ARB2A: variants seen among roughly 807,000 people sequenced by gnomAD.
ARB2A encodes the protein cotranscriptional regulator ARB2A.
the ARB2A span, among the ~76,000 whole-genome samples, chr5:94,045,960 T>C: frequency 1.3e-5 from 2 of 152,036 alleles, no homozygotes; most frequent in East Asian, 1.9e-4. Context: ...GAGAGAAAGA[T>C]TGTAACAGAA....
chr5:93,949,691 C>G, the ARB2A span, among the ~76,000 whole-genome samples: 1 of 152,106 alleles, frequency 6.6e-6, no homozygotes, highest in Non-Finnish European at 1.5e-5. Context: ...TACAATCAAT[C>G]ATTGCTGACT....
At chr5:93,782,379 A>C in the ARB2A span, among the ~76,000 whole-genome samples, 6 of 152,294 alleles carry the variant, frequency 3.9e-5, no homozygotes, top group African/African-American at 1.4e-4. Context: ...CAAAAAGATG[A>C]AGTGGCTTTT....
the ARB2A span, among the ~76,000 whole-genome samples, chr5:93,777,009 T>C: frequency 6.6e-6 from 1 of 152,120 alleles, no homozygotes; most frequent in Non-Finnish European, 1.5e-5. Context: ...CCACAAGAAA[T>C]GAATTTTGTA....
chr5:93,626,509 G>A, the ARB2A span, among the ~76,000 whole-genome samples: 14 of 152,160 alleles, frequency 9.2e-5, no homozygotes, highest in African/African-American at 2.2e-4. Context: ...TGAAGATATC[G>A]TGGGTTTGGT....
At chr5:93,956,822 G>A in the ARB2A span, among the ~76,000 whole-genome samples, 1 of 151,950 alleles carries the variant, frequency 6.6e-6, no homozygotes, top group South Asian at 2.1e-4. Flanking sequence ...ACTATGAAAA[G>A]GTAAAGTCAA....
At chr5:93,993,200 C>G in the ARB2A span, among the ~76,000 whole-genome samples, 1 of 152,076 alleles carries the variant, frequency 6.6e-6, no homozygotes, top group African/African-American at 2.4e-5. Context: ...TATGTAACTT[C>G]AGTGATCTCT....
chr5:93,956,235 G>T, the ARB2A span, among the ~76,000 whole-genome samples: 1 of 152,188 alleles, frequency 6.6e-6, no homozygotes, highest in Non-Finnish European at 1.5e-5. Flanking sequence ...ACTATGACCT[G>T]TGGAGCCCTG....
chr5:94,098,962 G>C, the ARB2A span, among the ~76,000 whole-genome samples: 1 of 152,046 alleles, frequency 6.6e-6, no homozygotes, highest in Non-Finnish European at 1.5e-5. Context: ...CCATTAACGA[G>C]CTCCAAAACT....
the ARB2A span, among the ~76,000 whole-genome samples, chr5:93,760,551 G>A: frequency 1.3e-5 from 2 of 152,136 alleles, no homozygotes; most frequent in Non-Finnish European, 2.9e-5. Flanking sequence ...TATAAAAATA[G>A]GCACATAGAT....
chr5:93,937,932 G>T, the ARB2A span, among the ~76,000 whole-genome samples: 3 of 152,100 alleles, frequency 2.0e-5, no homozygotes, highest in Non-Finnish European at 4.4e-5. Flanking sequence ...TAGTACAGAA[G>T]AAACCTTTCA....
At chr5:93,660,513 C>T in the ARB2A span, among the ~76,000 whole-genome samples, 1 of 152,002 alleles carries the variant, frequency 6.6e-6, no homozygotes, top group Non-Finnish European at 1.5e-5. Context: ...AGTAGAAATG[C>T]TTATAATTAT....
chr5:93,880,035 T>C, the ARB2A span, among the ~76,000 whole-genome samples: 1 of 151,786 alleles, frequency 6.6e-6, no homozygotes, highest in South Asian at 2.1e-4. Context: ...ATGACCCCGA[T>C]GTAATCATAT....
At chr5:94,076,211 T>C in the ARB2A span, among the ~76,000 whole-genome samples, 2 of 152,208 alleles carry the variant, frequency 1.3e-5, no homozygotes, top group African/African-American at 4.8e-5. Context: ...AGAAGGTATA[T>C]ATAGCCAATC....
At chr5:94,049,022 A>G in the ARB2A span, among the ~76,000 whole-genome samples, 3 of 152,282 alleles carry the variant, frequency 2.0e-5, no homozygotes, top group East Asian at 5.8e-4. Context: ...CAAGTAGTTC[A>G]TTTTTACTAC....
chr5:93,883,044 C>A, the ARB2A span, among the ~76,000 whole-genome samples: 1 of 151,494 alleles, frequency 6.6e-6, no homozygotes, highest in South Asian at 2.1e-4. Context: ...TTAAAATATG[C>A]TGCATTACTG....
the ARB2A span, among the ~76,000 whole-genome samples, chr5:94,018,914 C>G: frequency 1.3e-4 from 20 of 152,112 alleles, no homozygotes; most frequent in Non-Finnish European, 2.8e-4. Flanking sequence ...TCAAACTATA[C>G]TACAAAGCTA....
chr5:93,741,257 G>T, the ARB2A span: 1 of 1,613,900 alleles, frequency 6.2e-7, no homozygotes. Flanking sequence ...GCAATGTAGG[G>T]CCCCGGGAGG....
chr5:93,811,362 C>T, the ARB2A span, among the ~76,000 whole-genome samples: 2 of 152,234 alleles, frequency 1.3e-5, no homozygotes, highest in Admixed American at 1.3e-4. Flanking sequence ...TTTACATTTT[C>T]CACACCTTAT....
At chr5:93,677,486 G>A in the ARB2A span, among the ~76,000 whole-genome samples, 17 of 152,302 alleles carry the variant, frequency 1.1e-4, no homozygotes, top group Admixed American at 1.0e-3. Flanking sequence ...CAGGCGTGCT[G>A]CCACATTCTG....
Sources: gnomAD v4.1 joint callset for allele counts (sites outside exome capture counted in the v4.1 genomes callset) on GRCh38, gnomAD v4.1.1 for gene constraint, MANE v1.5 for transcripts, NCBI Gene and HGNC (gene_info 2026-07-23, HGNC 2026-07-21) for gene names.